Variants in CYP7B1 observed in about 807,000 individuals in gnomAD.
CYP7B1 encodes the protein cytochrome P450 7B1.
CYP7B1 carries 29 observed loss-of-function variants against 42.7 expected under a neutral mutation model. The observed-to-expected ratio is 0.68, with a 90% CI of 0.51 to 0.93. The LOEUF is 0.93. CYP7B1 is among the 40% of genes least tolerant of loss of function. The probability of loss-of-function intolerance (pLI) is 0.00; values close to 1 mark genes in which losing one functional copy is unlikely to be tolerated. For missense variants in CYP7B1, 655 were observed against 600.5 expected (o/e 1.09, Z -0.95); for synonymous variants, 235 against 218.2 (o/e 1.08, Z -0.68).
chr8:64,753,581 T>C (rs1346999444), intron 1 of CYP7B1, among the ~76,000 whole-genome samples: 1 of 152,134 alleles, frequency 6.6e-6, no homozygotes, highest in Non-Finnish European at 1.5e-5. Context: ...ACAGGACAAC[T>C]CAGGGGCCAG....
chr8:64,798,454 C>A lies in CYP7B1; in HGVS notation c.122+12G>T, dbSNP rs1804744153. On this transcript the variant is annotated intron_variant, in intron 1 of 5. Transcript: ENST00000310193. ...CAGGGCGCATGCGTGGCCTGGCGGCCGAGGCGCTTACCTGGTGCGCCGGAC... is the reference window on the plus strand; with the variant it reads ...CAGGGCGCATGCGTGGCCTGGCGGCAGAGGCGCTTACCTGGTGCGCCGGAC... The A allele has an allele frequency of 2.7e-6, 4 of 1,508,512 alleles. No individual in the cohort carries two copies. Among genetic ancestry groups the A allele is most frequent in the African/African-American group, 1.4e-5 (1 of 69,600 alleles). The allele number at this position is 1,508,512 out of a possible 1,614,324, so 93.4% of individuals were successfully genotyped here.
chr8:64,727,008 C>A (rs927709408), intron 1 of CYP7B1, among the ~76,000 whole-genome samples: 3 of 152,140 alleles, frequency 2.0e-5, no homozygotes, highest in Non-Finnish European at 4.4e-5. Flanking sequence ...GATGAAGGAG[C>A]ATGAACCTGC....
chr8:64,760,500 CA>C (rs1242882681), intron 1 of CYP7B1, among the ~76,000 whole-genome samples: 1 of 151,858 alleles, frequency 6.6e-6, no homozygotes, highest in Admixed American at 6.6e-5. Context: ...TCATACCACC[CA>C]ATAGCAAAAT....
intron 1 of CYP7B1, among the ~76,000 whole-genome samples, chr8:64,729,285 C>A (rs1038543375): frequency 1.3e-5 from 2 of 152,182 alleles, no homozygotes. Flanking sequence ...GACTTTCTAT[C>A]CTTCATTACT....
At chr8:64,710,827 A>T (rs1028805256) in intron 1 of CYP7B1, among the ~76,000 whole-genome samples, 2 of 150,432 alleles carry the variant, frequency 1.3e-5, no homozygotes, top group Non-Finnish European at 3.0e-5. Context: ...AACATAAAGC[A>T]CCTTATAAAA....
chr8:64,659,302 A>G (rs1416059524), intron 1 of CYP7B1, among the ~76,000 whole-genome samples: 6 of 152,180 alleles, frequency 3.9e-5, no homozygotes, highest in Non-Finnish European at 1.5e-5. Flanking sequence ...ATGCTATTAT[A>G]TGTATCCTTC....
In CYP7B1 at chr8:64,798,578, C is replaced by A. The variant is rs1415044587; in HGVS notation, c.10G>T (p.Glu4Ter). 1.4e-6 allele frequency: 2 copies of A among 1,472,232 alleles called. No homozygotes were observed. The highest frequency in any genetic ancestry group is 2.5e-5 in the Admixed American group (1 of 40,494). The allele number at this position is 1,472,232 out of a possible 1,614,324, so 91.2% of individuals were successfully genotyped here. A position where few individuals can be genotyped will look rare whatever the true frequency, so the allele number is the denominator to read the frequency against. ...AAGCGGCCCGTGGCCGCGGACACTTCTCCTGCCATCCGGCGCGCGCTAGGC... is the reference window on the plus strand; with the variant it reads ...AAGCGGCCCGTGGCCGCGGACACTTATCCTGCCATCCGGCGCGCGCTAGGC... The part of the protein sequence containing the change: MAG[E>*]VSAATGRFSL... Residue 4 changes from glutamate to a stop codon, truncating the protein, a stop_gained, in exon 1 of 6, where the codon GAA becomes TAA. Transcript: ENST00000310193. LOFTEE classifies it high-confidence loss of function.
intron 1 of CYP7B1, among the ~76,000 whole-genome samples, chr8:64,768,376 T>C (rs1428978861): frequency 6.6e-6 from 1 of 151,388 alleles, no homozygotes; most frequent in East Asian, 1.9e-4. Flanking sequence ...AAAAAAAAAG[T>C]GTTATTTACA....
At chr8:64,725,699 A>G (rs1165205856) in intron 1 of CYP7B1, among the ~76,000 whole-genome samples, 1 of 152,198 alleles carries the variant, frequency 6.6e-6, no homozygotes, top group East Asian at 1.9e-4. Context: ...TAGGAGGAGG[A>G]GCAGGGAGGG....
intron 5 of CYP7B1, among the ~76,000 whole-genome samples, chr8:64,603,895 T>TA (rs1241272624): frequency 1.3e-5 from 2 of 152,160 alleles, no homozygotes; most frequent in Non-Finnish European, 2.9e-5. Flanking sequence ...TATGAACTGC[T>TA]AAAAAAGAGC....
At chr8:64,740,837 CA>C (rs573390316) in intron 1 of CYP7B1, among the ~76,000 whole-genome samples, 2 of 151,796 alleles carry the variant, frequency 1.3e-5, no homozygotes, top group Admixed American at 6.6e-5. Context: ...CTATATCTAT[CA>C]AAAAAAATCC....
chr8:64,645,584 G>A (rs1805938599), intron 1 of CYP7B1, among the ~76,000 whole-genome samples: 1 of 152,104 alleles, frequency 6.6e-6, no homozygotes, highest in South Asian at 2.1e-4. Flanking sequence ...CATGCTCGTG[G>A]GTAGGAAGAA....
At chr8:64,798,387 G>A (rs1222659097) in intron 1 of CYP7B1, 79 bp downstream of exon 1, 4 of 1,423,436 alleles carry the variant, frequency 2.8e-6, no homozygotes, top group Admixed American at 3.2e-5. Context: ...TCATGGAGGG[G>A]GACTCCCCTC....
chr8:64,628,795 A>C (rs1047819215), intron 1 of CYP7B1, among the ~76,000 whole-genome samples: 3 of 152,226 alleles, frequency 2.0e-5, no homozygotes, highest in Admixed American at 6.5e-5. Context: ...GGTACTCTGA[A>C]ATTTAAAAGA....
intron 1 of CYP7B1, among the ~76,000 whole-genome samples, chr8:64,675,559 A>C (rs1806433788): frequency 6.6e-6 from 1 of 150,660 alleles, no homozygotes; most frequent in Non-Finnish European, 1.5e-5. Flanking sequence ...TTTCTTCTTT[A>C]TTAATTTTAA....
chr8:64,753,769 C>T (rs558092464), intron 1 of CYP7B1, among the ~76,000 whole-genome samples: 1 of 152,128 alleles, frequency 6.6e-6, no homozygotes, highest in African/African-American at 2.4e-5. Flanking sequence ...GAAAGGATGG[C>T]GAGGAGAGGC....
At chr8:64,586,661 C>T (rs1336029115), downstream of CYP7B1, among the ~76,000 whole-genome samples, 1 of 152,162 alleles carries the variant, frequency 6.6e-6, no homozygotes, top group Non-Finnish European at 1.5e-5. Context: ...CACAAAGGTG[C>T]CTTTAAACAA....
At chr8:64,681,203 T>A (rs1014684534) in intron 1 of CYP7B1, among the ~76,000 whole-genome samples, 1 of 152,202 alleles carries the variant, frequency 6.6e-6, no homozygotes, top group African/African-American at 2.4e-5. Flanking sequence ...TGCACATTAT[T>A]TTTTGGTGGA....
At chr8:64,663,332 C>G (rs1268345158) in intron 1 of CYP7B1, among the ~76,000 whole-genome samples, 2 of 152,128 alleles carry the variant, frequency 1.3e-5, no homozygotes, top group Non-Finnish European at 2.9e-5. Flanking sequence ...TCTCTGTTTT[C>G]CAAGCTCTTA....
Sources: gnomAD v4.1 joint callset for allele counts (sites outside exome capture counted in the v4.1 genomes callset) on GRCh38, gnomAD v4.1.1 for gene constraint, MANE v1.5 for transcripts, NCBI Gene and HGNC (gene_info 2026-07-23, HGNC 2026-07-21) for gene names.